TSBP1: variants seen among roughly 807,000 people sequenced by gnomAD.
TSBP1 encodes the protein testis-expressed basic protein 1.
In TSBP1, 56 loss-of-function variants were observed where a neutral mutation model predicts 68.8. The observed-to-expected ratio is 0.81, with a 90% CI of 0.66 to 1.02. TSBP1 has a LOEUF of 1.02. Ranked by LOEUF, TSBP1 falls within the 50% of genes least tolerant of loss-of-function variation. The probability of loss-of-function intolerance (pLI) is 0.00; values close to 1 mark genes in which losing one functional copy is unlikely to be tolerated. For missense variants in TSBP1, 502 were observed against 641.2 expected (o/e 0.78, Z 2.34); for synonymous variants, 171 against 208.7 (o/e 0.82, Z 1.56).
At chr6:32,346,786 G>A (rs573189378) in intron 9 of TSBP1, among the ~76,000 whole-genome samples, 2 of 152,192 alleles carry the variant, frequency 1.3e-5, no homozygotes, top group East Asian at 1.9e-4. Context: ...GCAGCGAGCC[G>A]AGGTTGCACC....
rs755095264 is a variant in TSBP1, at chr6:32,335,960, A to T, written c.431-28T>A. 6.3e-7 allele frequency: 1 copy of T among 1,598,286 alleles called. No individual in the cohort carries two copies. The highest frequency in any genetic ancestry group is 2.2e-5 in the East Asian group (1 of 44,826). ...GTGAGAGAGAAAGAGGGAGAAAGAAAAAGATATCAGTATGCTTCACCACTG... is the reference window on the plus strand; with the variant it reads ...GTGAGAGAGAAAGAGGGAGAAAGAATAAGATATCAGTATGCTTCACCACTG... On this transcript the variant is annotated intron_variant, in intron 12 of 22. Coordinates refer to ENST00000612031, the Ensembl canonical transcript of TSBP1. This position sits in a 1 kb window ranked among gnomAD's most constrained non-coding sequence, Gnocchi z 5.5.
chr6:32,302,714 G>T lies in TSBP1; in HGVS notation c.581-85C>A. The stretch of plus-strand genomic sequence containing the variant: ...CTTTCCTACTCCCAATTCCCTAGTT[G>T]TTTTTTCTAGGGTACCATAAAGACT... On this transcript the variant is annotated intron_variant, in intron 19 of 22. Coordinates refer to ENST00000612031, the Ensembl canonical transcript of TSBP1. This position sits in a 1 kb window ranked among gnomAD's most constrained non-coding sequence, Gnocchi z 5.1. 1 of 930,872 alleles carries T rather than the reference G, an allele frequency of 1.1e-6. No individual in the cohort carries two copies. The highest frequency in any genetic ancestry group is 1.7e-6 in the Non-Finnish European group (1 of 604,858). The allele number at this position is 930,872 out of a possible 1,614,324, so 57.7% of individuals were successfully genotyped here.
intron 16 of TSBP1, among the ~76,000 whole-genome samples, chr6:32,327,654 C>CTTTTATTTTCTTTCTTTCTTTTTT (rs70993815): frequency 2.0e-5 from 3 of 147,058 alleles, no homozygotes; most frequent in Non-Finnish European, 3.0e-5. Context: ...TTTTCTTTTT[C>CTTTTATTTTCTTTCTTTCTTTTTT]TTTTTTTTTT....
At chr6:32,303,836 G>GT (rs1296068191) in intron 19 of TSBP1, among the ~76,000 whole-genome samples, 1 of 152,224 alleles carries the variant, frequency 6.6e-6, no homozygotes, top group Admixed American at 6.5e-5. Flanking sequence ...CTATTTTAGT[G>GT]TTTTCTCTGT....
In TSBP1 at chr6:32,357,965, G is replaced by T. The variant is rs925036552; in HGVS notation, c.218-2296C>A. 3.3e-5 allele frequency among the ~76,000 whole-genome samples: 5 copies of T among 152,200 alleles called. No homozygotes were observed. Among genetic ancestry groups the T allele is most frequent in the Non-Finnish European group, 7.3e-5 (5 of 68,036 alleles). ...CTCTGGGGTGGGGCTGCATTCACTT[G>T]CAGGAAGGAACACCTTTTCCTAATA... On this transcript the variant is annotated intron_variant, in intron 6 of 22. Transcript: ENST00000612031. The surrounding 1 kb of genome is among the most constrained non-coding windows in gnomAD (Gnocchi z 4.7).
chr6:32,305,688 G>A (rs1335298172), intron 19 of TSBP1, among the ~76,000 whole-genome samples: 1 of 152,136 alleles, frequency 6.6e-6, no homozygotes, highest in African/African-American at 2.4e-5. Flanking sequence ...TAGAGATGGG[G>A]TTTTGCCATG....
chr6:32,296,032 T>TG (rs1764687607), intron 22 of TSBP1, among the ~76,000 whole-genome samples: 1 of 152,018 alleles, frequency 6.6e-6, no homozygotes, highest in Non-Finnish European at 1.5e-5. Flanking sequence ...TTAGTAGAGA[T>TG]GGGGTTTCTC....
chr6:32,328,422 ATT>A (rs201332386), intron 16 of TSBP1, among the ~76,000 whole-genome samples: 1 of 135,396 alleles, frequency 7.4e-6, no homozygotes. Context: ...TAACTTTTGT[ATT>A]TTTTTTTTTT....
At position 32,361,844 on chromosome 6, in the gene TSBP1, G is replaced by A. The variant is rs1239662422; in HGVS notation, c.217+4323C>T. Among the ~76,000 whole-genome samples, 1 of 151,944 alleles carries A rather than the reference G, an allele frequency of 6.6e-6. No homozygotes were observed. Among genetic ancestry groups the A allele is most frequent in the Non-Finnish European group, 1.5e-5 (1 of 68,000 alleles). On this transcript the variant is annotated intron_variant, in intron 6 of 22. Coordinates refer to ENST00000612031, the Ensembl canonical transcript of TSBP1. The surrounding 1 kb of genome is among the most constrained non-coding windows in gnomAD (Gnocchi z 4.3). Reference sequence around the variant, plus strand: ...TTACTGTGGTTTTAATGTCCTCTCCGAAACTCATGTTGAAACTTAATCCTC... The same window carrying A: ...TTACTGTGGTTTTAATGTCCTCTCCAAAACTCATGTTGAAACTTAATCCTC...
intron 8 of TSBP1, among the ~76,000 whole-genome samples, chr6:32,351,610 C>A (rs3117118): frequency 6.6e-6 from 1 of 151,926 alleles, no homozygotes; most frequent in African/African-American, 2.4e-5. Flanking sequence ...GATATAGATA[C>A]AAATATGGGC....
intron 16 of TSBP1, 94 bp from the exon 18 acceptor site, chr6:32,323,708 A>G (rs982401194): frequency 1.8e-6 from 2 of 1,104,802 alleles, no homozygotes; most frequent in Non-Finnish European, 2.7e-6. Flanking sequence ...TCATTATAAC[A>G]ATAGGGAAAA....
chr6:32,336,493 C>A lies in TSBP1; in HGVS notation c.430+122G>T, dbSNP rs753906643. 21 of 812,412 alleles carry A rather than the reference C, an allele frequency of 2.6e-5. No individual in the cohort carries two copies. The highest frequency in any genetic ancestry group is 3.8e-5 in the Non-Finnish European group (19 of 494,304). The allele number at this position is 812,412 out of a possible 1,614,324, so 50.3% of individuals were successfully genotyped here. A position where few individuals can be genotyped will look rare whatever the true frequency, so the allele number is the denominator to read the frequency against. ...ATACCCATTAGCAAACCTGCATATG[C>A]ACCACCGGAATCTAAAATAAAAGTT... On this transcript the variant is annotated intron_variant, in intron 12 of 22. Transcript: ENST00000612031. This position sits in a 1 kb window ranked among gnomAD's most constrained non-coding sequence, Gnocchi z 5.2.
intron 1 of TSBP1, among the ~76,000 whole-genome samples, chr6:32,370,193 C>T (rs1350532210): frequency 2.0e-5 from 3 of 151,440 alleles, no homozygotes; most frequent in South Asian, 2.1e-4. Flanking sequence ...GTTCTTTGGT[C>T]GTATACTAAG....
At chr6:32,349,823 A>G in exon 9 of TSBP1, 1 of 1,585,904 alleles carries the variant, frequency 6.3e-7, no homozygotes, top group Non-Finnish European at 8.7e-7. Context: ...CTTAGATGCC[A>G]TAGACACTAT....
intron 19 of TSBP1, among the ~76,000 whole-genome samples, chr6:32,312,323 TG>T (rs1172351014): frequency 1.3e-5 from 2 of 151,804 alleles, no homozygotes; most frequent in Non-Finnish European, 2.9e-5. Context: ...ATAACAACGG[TG>T]GGAATTATAG....
exon 6 of TSBP1, chr6:32,366,169 C>A (rs369437685): frequency 5.0e-6 from 8 of 1,601,978 alleles, no homozygotes; most frequent in Non-Finnish European, 5.1e-6. Flanking sequence ...ATACTTACCT[C>A]GGTTATCATA....
intron 16 of TSBP1, among the ~76,000 whole-genome samples, chr6:32,327,608 A>G (rs867929888): frequency 6.6e-6 from 1 of 151,224 alleles, no homozygotes; most frequent in Non-Finnish European, 1.5e-5. Context: ...AGAGGTTCAT[A>G]ATGTCTTAAA....
chr6:32,355,137 T>G (rs776767679), exon 8 of TSBP1: 14 of 1,612,356 alleles, frequency 8.7e-6, no homozygotes, highest in Non-Finnish European at 1.2e-5. Context: ...GAGAGTTGGT[T>G]GATGGTGCTA....
At chr6:32,322,442 A>G in intron 18 of TSBP1, 44 bp downstream of exon 20, 2 of 1,478,508 alleles carry the variant, frequency 1.4e-6, no homozygotes, top group Non-Finnish European at 1.9e-6. Flanking sequence ...AACTAAGATA[A>G]GAAAAGTCCC....
Sources: allele counts gnomAD v4.1 joint callset (sites outside exome capture counted in the v4.1 genomes callset), GRCh38; gene constraint gnomAD v4.1.1; non-coding constraint Gnocchi (gnomAD v3.1); transcripts MANE v1.5; gene names NCBI Gene and HGNC (gene_info 2026-07-23, HGNC 2026-07-21).